Variants in ARVCF observed in about 807,000 individuals in gnomAD.
The protein encoded by ARVCF is splicing regulator ARVCF.
Under a neutral mutation model 90.9 loss-of-function variants are expected in ARVCF, and 66 were observed. The ratio of observed to expected loss-of-function variants is 0.73; its 90% CI spans 0.60 to 0.89. The LOEUF is 0.89. Among genes scored for constraint, ARVCF ranks in the 40% least tolerant of loss-of-function variants. The pLI, the probability that ARVCF is intolerant of heterozygous loss-of-function variation, is 0.00. For missense variants in ARVCF, 1,469 were observed against 1,382.3 expected (o/e 1.06, Z -1.00); for synonymous variants, 653 against 603.4 (o/e 1.08, Z -1.21).
Position 20,016,593 on chromosome 22 carries a change from A to AGCGCAGCGTGGGCGGCC in ARVCF, c.-94_-78dup, listed in dbSNP as rs1945196537. On this transcript the variant is annotated 5_prime_UTR_variant, in exon 1 of 20. Transcript: ENST00000263207. ...CGCCCACTGGCTCAGGCTTACCTGG[A>AGCGCAGCGTGGGCGGCC]GCGCAGCGTGGGCGGCCCCGCAGCG... 3 of 150,910 alleles carry AGCGCAGCGTGGGCGGCC rather than the reference A, an allele frequency of 2.0e-5. No individual in the cohort carries two copies. The highest frequency in any genetic ancestry group is 1.3e-4 in the Admixed American group (2 of 15,228). 9.3% of individuals were successfully genotyped at this position (150,910 alleles called of 1,614,324 possible).
In ARVCF at chr22:19,992,812, C is replaced by CT. The variant is rs1390437621; in HGVS notation, c.-18-2001dup. ...CCCATCTAGCAGGACCAGGCTTGGG[C>CT]TGCAGACCCTGCGGACAGCTTCCCT... On this transcript the variant is annotated intron_variant, in intron 2 of 19. Transcript: ENST00000263207. 3.3e-5 allele frequency among the ~76,000 whole-genome samples: 5 copies of CT among 152,176 alleles called. 1 individual carries two copies. The highest frequency in any genetic ancestry group is 2.0e-4 in the Admixed American group (3 of 15,284).
At chr22:20,001,102 G>A (rs1053675839) in intron 2 of ARVCF, among the ~76,000 whole-genome samples, 3 of 152,104 alleles carry the variant, frequency 2.0e-5, no homozygotes, top group Admixed American at 6.5e-5. Context: ...AGGCCCTTTG[G>A]GGGGTGGGGG....
intron 2 of ARVCF, among the ~76,000 whole-genome samples, chr22:19,992,079 G>T (rs1469057981): frequency 6.6e-6 from 1 of 152,226 alleles, no homozygotes; most frequent in Non-Finnish European, 1.5e-5. Flanking sequence ...AGCAGCGCTG[G>T]GCTCAGCTGC....
intron 3 of ARVCF, chr22:19,986,509 T>C (rs4819526): frequency 0.4 from 60,610 of 152,184 alleles, 12,881 homozygotes; most frequent in African/African-American, 0.55. Flanking sequence ...CCTGTCTCTA[T>C]CCCTCCCATC....
At chr22:19,966,933 C>T, downstream of ARVCF, 1 of 985,378 alleles carries the variant, frequency 1.0e-6, no homozygotes, top group Non-Finnish European at 1.2e-6. Context: ...GTCGCTTCTC[C>T]ACGGCATTAG....
chr22:20,006,557 C>T (rs1430062443), intron 2 of ARVCF, among the ~76,000 whole-genome samples: 1 of 127,684 alleles, frequency 7.8e-6, no homozygotes, highest in African/African-American at 2.9e-5. Flanking sequence ...CCAGCCTGGG[C>T]GGTAGAGCGT....
At chr22:19,988,602 C>T (rs1943909573) in intron 3 of ARVCF, among the ~76,000 whole-genome samples, 1 of 152,238 alleles carries the variant, frequency 6.6e-6, no homozygotes, top group Non-Finnish European at 1.5e-5. Context: ...CAGCAGCACT[C>T]CCCCTAGCCT....
At chr22:19,968,849 A>G (rs1601549491), downstream of ARVCF, 1 of 1,009,040 alleles carries the variant, frequency 9.9e-7, no homozygotes, top group Non-Finnish European at 1.5e-6. Flanking sequence ...TGCAAAGCAC[A>G]CCTCGGCCGA....
Position 19,981,326 on chromosome 22 carries a change from A to G in ARVCF, c.781T>C (p.Leu261=). ...GCCAGGCTGCGCGTGTCATCCTCCA[A>G]GCCATACGGCTCTGCCTGGAAGCGC... The part of the protein sequence containing the change: ...PERFQAEPYG[L]EDDTRSLAAD... The change falls in exon 5 of 20, where the codon TTG becomes CTG. Residue 261 remains leucine (L), a synonymous_variant. Coordinates refer to ENST00000263207, the MANE Select transcript of ARVCF (RefSeq NM_001670.3). 2 of 1,604,478 alleles carry G rather than the reference A, an allele frequency of 1.2e-6. No individual in the cohort carries two copies. The highest frequency in any genetic ancestry group is 2.3e-5 in the East Asian group (1 of 44,298).
chr22:19,996,651 G>T (rs2146416674), intron 2 of ARVCF, among the ~76,000 whole-genome samples: 1 of 152,318 alleles, frequency 6.6e-6, no homozygotes, highest in Middle Eastern at 3.4e-3. Context: ...GAGCCCCACA[G>T]TCCTGCCCCT....
rs895705500 is a variant in ARVCF at position 19,970,498 on chromosome 22, G to A, written c.*258C>T. 1.1e-5 allele frequency: 12 copies of A among 1,060,256 alleles called. No homozygotes were observed. The Admixed American group carries it at 1.6e-4, about 14-fold the overall frequency. 65.7% of individuals were successfully genotyped at this position (1,060,256 alleles called of 1,614,324 possible). On this transcript the variant is annotated 3_prime_UTR_variant, in exon 20 of 20. Coordinates refer to ENST00000263207, the MANE Select transcript of ARVCF (RefSeq NM_001670.3). ...CCCCAGCAGCCCAGTCGGCCTCCTC[G>A]GGCCTTCTGTCACTCGCTCACACAC... is the stretch of plus-strand genomic sequence containing the variant.
downstream of ARVCF, chr22:19,966,970 G>A: frequency 1.0e-6 from 1 of 985,428 alleles, no homozygotes; most frequent in South Asian, 4.7e-5. Flanking sequence ...AGACGCTGAT[G>A]CATGTTTAGC....
intron 3 of ARVCF, among the ~76,000 whole-genome samples, chr22:19,985,484 G>A (rs1943717825): frequency 6.6e-6 from 1 of 152,250 alleles, no homozygotes; most frequent in East Asian, 1.9e-4. Flanking sequence ...AGGGGCTCTG[G>A]GCCCCATCAC....
intron 18 of ARVCF, among the ~76,000 whole-genome samples, chr22:19,971,586 G>A (rs976083169): frequency 2.6e-5 from 4 of 152,188 alleles, no homozygotes; most frequent in Admixed American, 6.5e-5. Flanking sequence ...TCCTGCCATC[G>A]CTGGTGGACC....
chr22:20,007,325 G>A (rs370384623), intron 2 of ARVCF, among the ~76,000 whole-genome samples: 20 of 152,166 alleles, frequency 1.3e-4, no homozygotes, highest in Admixed American at 4.6e-4. Flanking sequence ...TTGCTTGAAC[G>A]TGGGAGGTGA....
chr22:19,987,379 C>G (rs1269386666), intron 3 of ARVCF, among the ~76,000 whole-genome samples: 8 of 143,102 alleles, frequency 5.6e-5, no homozygotes, highest in Middle Eastern at 3.6e-3. Flanking sequence ...CCTGTCCCCC[C>G]ACTTCCCACC....
Position 19,973,270 on chromosome 22 carries a change from C to T in ARVCF, c.2287G>A (p.Ala763Thr), listed in dbSNP as rs1456375119. 6.2e-7 allele frequency: 1 copy of T among 1,608,290 alleles called. No individual in the cohort carries two copies. Among genetic ancestry groups the T allele is most frequent in the South Asian group, 1.1e-5 (1 of 90,400 alleles). The change falls in exon 14 of 20, where the codon GCT becomes ACT. Residue 763 changes from alanine (A) to threonine (T), a missense_variant. Transcript: ENST00000263207. The stretch of plus-strand genomic sequence containing the variant: ...AGGCAGGCCCCCGGTCGCGGCGGAG[C>T]CTGTGCATTGCGCACATTCCGCACA... ...ELVRNVRNAQ[A>T]PPRPGACLEE...
chr22:19,973,957 G>A (rs960204783), intron 12 of ARVCF, among the ~76,000 whole-genome samples, 155 bp downstream of exon 12: 2 of 152,210 alleles, frequency 1.3e-5, no homozygotes, highest in African/African-American at 4.8e-5. Flanking sequence ...ACCGTCCAGG[G>A]TGCACGCATT....
chr22:19,981,431 AG>A lies in ARVCF; in HGVS notation c.675del (p.Cys226AlafsTer96). On this transcript the variant is annotated frameshift_variant, in exon 5 of 20. Transcript: ENST00000263207. LOFTEE classifies it high-confidence loss of function. The stretch of plus-strand genomic sequence containing the variant: ...TCCCGGTGGCCAGGCAGTGTGAAGC[AG>A]CCATCACCAGGGCCTGGGCCAAGGG... The part of the protein sequence containing the change: ...AGPLGPGPGD[G>X]CFTLPGHREA... 6.4e-7 allele frequency: 1 copy of A among 1,568,068 alleles called. No individual in the cohort carries two copies. The highest frequency in any genetic ancestry group is 8.6e-7 in the Non-Finnish European group (1 of 1,158,954).
Sources: gnomAD v4.1 joint callset for allele counts (sites outside exome capture counted in the v4.1 genomes callset) on GRCh38, gnomAD v4.1.1 for gene constraint, MANE v1.5 for transcripts, NCBI Gene and HGNC (gene_info 2026-07-23, HGNC 2026-07-21) for gene names.